The following KCNMA1 variants were observed in gnomAD, a reference collection of about 807,000 sequenced individuals.
KCNMA1 encodes the protein Calcium-activated potassium channel subunit alpha-1.
In KCNMA1, 29 loss-of-function variants were observed where a neutral mutation model predicts 140.0. The observed-to-expected ratio is 0.21, with a 90% CI of 0.15 to 0.28. The LOEUF (loss-of-function observed/expected upper bound fraction) is 0.28. Ranked by LOEUF, KCNMA1 falls within the 10% of genes least tolerant of loss-of-function variation. The pLI is 1.00. For missense variants in KCNMA1, 880 were observed against 1,602.2 expected (o/e 0.55, Z 7.70); for synonymous variants, 612 against 611.9 (o/e 1.00, Z 0.00).
chr10:77,099,586 C>T (rs538119454), intron 9 of KCNMA1, among the ~76,000 whole-genome samples: 1 of 151,990 alleles, frequency 6.6e-6, no homozygotes, highest in East Asian at 1.9e-4. Flanking sequence ...TGGTGGCGTA[C>T]GCCTGTAATC....
intron 2 of KCNMA1, among the ~76,000 whole-genome samples, chr10:77,289,811 G>T (rs2072530017): frequency 6.6e-6 from 1 of 152,096 alleles, no homozygotes; most frequent in Non-Finnish European, 1.5e-5. Context: ...CTTATCCAGA[G>T]TTATTCTTGC....
chr10:76,878,645 G>A (rs2033183879), intron 29 of KCNMA1, among the ~76,000 whole-genome samples: 1 of 152,172 alleles, frequency 6.6e-6, no homozygotes, highest in East Asian at 1.9e-4. Context: ...CCAAGCTGTC[G>A]ACAAGGGAGC....
chr10:77,428,977 G>A (rs2097089289), intron 1 of KCNMA1, among the ~76,000 whole-genome samples: 1 of 152,180 alleles, frequency 6.6e-6, no homozygotes, highest in South Asian at 2.1e-4. Context: ...AGGAAAGGGA[G>A]ACTAAATGTT....
At chr10:77,273,247 T>C (rs1458049387) in intron 2 of KCNMA1, among the ~76,000 whole-genome samples, 1 of 152,222 alleles carries the variant, frequency 6.6e-6, no homozygotes, top group African/African-American at 2.4e-5. Context: ...CCTTTGTTTC[T>C]GTTTTTCTAA....
intron 3 of KCNMA1, chr10:77,250,524 C>G (rs917296213): frequency 1.9e-5 from 3 of 155,788 alleles, no homozygotes; most frequent in African/African-American, 7.2e-5. Flanking sequence ...TCTTTATCAT[C>G]TGTCACCCAG....
Position 76,956,489 on chromosome 10 carries a change from C to T in KCNMA1, c.2361-2565G>A, listed in dbSNP as rs75408023. Among the ~76,000 whole-genome samples, 3 of 152,248 alleles carry T rather than the reference C, an allele frequency of 2.0e-5. No homozygotes were observed. The East Asian group carries it at 5.8e-4, about 29-fold the overall frequency. ...CTGACCTGAGGAACATCAAAAACCTCCCGGAACAAAGACATTACCCTCTCT... is the reference window on the plus strand; with the variant it reads ...CTGACCTGAGGAACATCAAAAACCTTCCGGAACAAAGACATTACCCTCTCT... On this transcript the variant is annotated intron_variant, in intron 20 of 27. Transcript: ENST00000286628.
chr10:77,462,261 C>A (rs1337139529), intron 1 of KCNMA1, among the ~76,000 whole-genome samples: 1 of 151,716 alleles, frequency 6.6e-6, no homozygotes, highest in Non-Finnish European at 1.5e-5. Flanking sequence ...ACATGTATAC[C>A]CACACTGATG....
chr10:77,376,802 G>A (rs1037526395), intron 2 of KCNMA1, among the ~76,000 whole-genome samples: 6 of 152,136 alleles, frequency 3.9e-5, no homozygotes, highest in South Asian at 2.1e-4. Flanking sequence ...GCCAGGAGTC[G>A]TGGCGCATGC....
In KCNMA1 at chr10:77,457,723, A is replaced by C. The variant is rs138088016; in HGVS notation, c.379-53700T>G. Among the ~76,000 whole-genome samples the C allele has an allele frequency of 6.5e-3, 990 of 152,132 alleles. 47 individuals carry two copies. The highest frequency in any genetic ancestry group is 0.061 in the Admixed American group (926 of 15,264). ...CTGGTGGGATCAGCCTCCCTCCAGC[A>C]CGGGCATTCTGAGAGCCTGGTAGCT... On this transcript the variant is annotated intron_variant, in intron 1 of 27. Coordinates refer to ENST00000286628, the MANE Select transcript of KCNMA1 (RefSeq NM_001161352.2).
At chr10:77,424,604 T>A (rs1262963945) in intron 1 of KCNMA1, among the ~76,000 whole-genome samples, 5 of 151,610 alleles carry the variant, frequency 3.3e-5, no homozygotes, top group African/African-American at 7.3e-5. Context: ...AAAAATACAA[T>A]CTCTCCTTCC....
At chr10:76,869,962 T>C (rs1360720299) in exon 28 of KCNMA1, 1 of 152,594 alleles carries the variant, frequency 6.6e-6, no homozygotes, top group Non-Finnish European at 1.5e-5. Context: ...CAGAGAAAGG[T>C]TTCTTTTCAA....
chr10:77,289,369 A>G (rs565250859), intron 2 of KCNMA1, among the ~76,000 whole-genome samples: 5 of 152,316 alleles, frequency 3.3e-5, no homozygotes, highest in East Asian at 1.9e-4. Flanking sequence ...AATCATCAGC[A>G]GGCATCTGTA....
chr10:77,163,438 T>A (rs1597600497), intron 5 of KCNMA1, among the ~76,000 whole-genome samples: 1 of 152,176 alleles, frequency 6.6e-6, no homozygotes, highest in East Asian at 1.9e-4. Flanking sequence ...TGACCCTTAT[T>A]CTATAGAATG....
intron 2 of KCNMA1, among the ~76,000 whole-genome samples, chr10:77,380,217 C>T (rs1357267119): frequency 6.6e-6 from 1 of 152,180 alleles, no homozygotes; most frequent in Non-Finnish European, 1.5e-5. Context: ...ACCCTCTTCA[C>T]ATGGTGGGTA....
intron 17 of KCNMA1, among the ~76,000 whole-genome samples, chr10:77,017,845 A>G (rs1423542786): frequency 2.0e-5 from 3 of 149,728 alleles, no homozygotes; most frequent in African/African-American, 7.4e-5. Context: ...TAAAGTGGGA[A>G]AGAGTAATGC....
At chr10:77,221,382 C>T (rs2049614268) in intron 3 of KCNMA1, among the ~76,000 whole-genome samples, 1 of 152,078 alleles carries the variant, frequency 6.6e-6, no homozygotes, top group South Asian at 2.1e-4. Flanking sequence ...GCTTCAGGGA[C>T]CCCATGAGCT....
chr10:77,607,786 C>G (rs940054211), intron 1 of KCNMA1, among the ~76,000 whole-genome samples: 2 of 152,174 alleles, frequency 1.3e-5, no homozygotes, highest in African/African-American at 2.4e-5. Context: ...TCCGACTTCT[C>G]GCCTTCAGAA....
At chr10:76,900,816 G>A (rs1440619285) in intron 25 of KCNMA1, among the ~76,000 whole-genome samples, 3 of 151,752 alleles carry the variant, frequency 2.0e-5, no homozygotes, top group Non-Finnish European at 2.9e-5. Flanking sequence ...TCAGTATGAC[G>A]AGAGTGTGGA....
intron 3 of KCNMA1, among the ~76,000 whole-genome samples, chr10:77,204,859 C>A (rs903111995): frequency 1.3e-5 from 2 of 152,162 alleles, no homozygotes; most frequent in Non-Finnish European, 2.9e-5. Flanking sequence ...TGAAAGACCC[C>A]ACGGGTGACC....
Sources: allele counts gnomAD v4.1 joint callset (sites outside exome capture counted in the v4.1 genomes callset), GRCh38; gene constraint gnomAD v4.1.1; transcripts MANE v1.5; gene names NCBI Gene and HGNC (gene_info 2026-07-23, HGNC 2026-07-21).